Variants in AGXT observed in about 807,000 individuals in gnomAD.
AGXT encodes the protein alanine--glyoxylate aminotransferase, also known as L-alanine: glyoxylate aminotransferase 1.
Under a neutral mutation model 46.9 loss-of-function variants are expected in AGXT, and 41 were observed. The ratio of observed to expected loss-of-function variants is 0.88; its 90% confidence interval spans 0.68 to 1.14. The LOEUF (loss-of-function observed/expected upper bound fraction) is 1.14, where lower values mean the gene tolerates loss of function less well. AGXT is among the 50% of genes most tolerant of loss of function. The pLI is 0.00. For synonymous variants in AGXT, 244 were observed against 227.9 expected, an observed-to-expected ratio of 1.07 and a Z score of -0.64; for missense variants, 525 against 522.7, an observed-to-expected ratio of 1.00 and a Z score of -0.04.
intron 10 of AGXT, 75 bp downstream of exon 10, chr2:240,878,225 G>A: frequency 1.3e-6 from 2 of 1,589,744 alleles, no homozygotes; most frequent in Non-Finnish European, 1.7e-6. Flanking sequence ...CTGTGCACCA[G>A]GTGCAGGGGA....
Position 240,877,724 on chromosome 2 carries a change from GAGA to G in AGXT, c.942+95_942+97del, listed in dbSNP as rs1263324841. ...CCCCTCAAGAGGGACACTGGCTCCT[GAGA>G]AGGAGGGGGCGGCTGCCCGGTGGTG... On this transcript the variant is annotated intron_variant, in intron 9 of 10. Transcript: ENST00000307503. 4 of 1,385,272 alleles carry G rather than the reference GAGA, an allele frequency of 2.9e-6. No individual in the cohort carries two copies. In the East Asian group the frequency reaches 1.0e-4, roughly 35 times the overall value. 85.8% of individuals were successfully genotyped at this position (1,385,272 alleles called of 1,614,324 possible).
Position 240,869,217 on chromosome 2 carries a change from G to A in AGXT, c.213G>A (p.Arg71=), listed in dbSNP as rs771860599. 1.9e-6 allele frequency: 3 copies of A among 1,613,876 alleles called. No homozygotes were observed. Among genetic ancestry groups the A allele is most frequent in the Non-Finnish European group, 2.5e-6 (3 of 1,180,044 alleles). ...GCATCCAGTACGTGTTCCAGACCAG[G>A]AACCCACTCACACTGGTCATCTCTG... ...KEGIQYVFQT[R]NPLTLVISGS... is the part of the protein sequence containing the mutation. The change falls in exon 2 of 11, where the codon AGG becomes AGA. Residue 71 remains arginine (R), a synonymous_variant. Transcript: ENST00000307503.
chr2:240,875,242 G>A (rs1161614582), intron 7 of AGXT, 38 bp downstream of exon 7: 2 of 1,546,402 alleles, frequency 1.3e-6, no homozygotes, highest in Non-Finnish European at 1.8e-6. Context: ...GAGGGCGCTG[G>A]GCATGGCTGA....
Position 240,868,957 on chromosome 2 carries a change from C to T in AGXT, c.92C>T (p.Ser31Phe). The change falls in exon 1 of 11, where the codon TCC becomes TTC. Residue 31 changes from serine (S) to phenylalanine (F), a missense_variant. Transcript: ENST00000307503. ...CAGCTCCTGCTGGGGCCTGGTCCTT[C>T]CAACCTGCCTCCTCGCATCATGGCA... Reference protein sequence around the residue: ...PNQLLLGPGPSNLPPRIMAAG... With the variant: ...PNQLLLGPGPFNLPPRIMAAG... 1 of 1,607,796 alleles carries T rather than the reference C, an allele frequency of 6.2e-7. No individual in the cohort carries two copies. The highest frequency in any genetic ancestry group is 8.5e-7 in the Non-Finnish European group (1 of 1,177,712).
rs1415458755 is a variant in AGXT at position 240,870,655 on chromosome 2, C to T, written c.370C>T (p.His124Tyr). 2.6e-6 allele frequency: 4 copies of T among 1,553,398 alleles called. No individual in the cohort carries two copies. The highest frequency in any genetic ancestry group is 1.9e-5 in the Admixed American group (1 of 51,310). Reference sequence around the variant, plus strand: ...TGTCCTGCACCCAGGAGCCCGAGTGCACCCGATGACCAAGGACCCTGGAGG... The same window carrying T: ...TGTCCTGCACCCAGGAGCCCGAGTGTACCCGATGACCAAGGACCCTGGAGG... ...DIGERIGARVHPMTKDPGGHY... is the reference protein window; with the variant it reads ...DIGERIGARVYPMTKDPGGHY... Residue 124 changes from histidine (H) to tyrosine (Y), a missense_variant, in exon 3 of 11, where the codon CAC (histidine) becomes TAC (tyrosine). His to Tyr is a moderately conservative substitution (Grantham distance 83). Transcript: ENST00000307503.
rs1361667603 is a variant in AGXT at position 240,879,024 on chromosome 2, T to G, written c.*203T>G. ...GTGGCACCTCCTGGAAACAGTCCACTTGGGCGCAAAACCCAGTGCCTTCCA... is the reference window on the plus strand; with the variant it reads ...GTGGCACCTCCTGGAAACAGTCCACGTGGGCGCAAAACCCAGTGCCTTCCA... On this transcript the variant is annotated 3_prime_UTR_variant, in exon 11 of 11. Coordinates refer to ENST00000307503, the MANE Select transcript of AGXT (RefSeq NM_000030.3). 1 of 618,102 alleles carries G rather than the reference T, an allele frequency of 1.6e-6. No individual in the cohort carries two copies. The allele number at this position is 618,102 out of a possible 1,614,324, so 38.3% of individuals were successfully genotyped here.
rs121908527 is a variant in AGXT at position 240,875,126 on chromosome 2, G to A, written c.698G>A (p.Arg233His). 2.1e-5 allele frequency: 34 copies of A among 1,613,286 alleles called. No individual in the cohort carries two copies. The highest frequency in any genetic ancestry group is 1.0e-4 in the Admixed American group (6 of 59,998). ...SDKAKKKMYS[R>H]KTKPFSFYLD... ...CTCCCCAGAAAGAAGATGTACTCCCGCAAGACGAAGCCCTTCTCCTTCTAC... is the reference window on the plus strand; with the variant it reads ...CTCCCCAGAAAGAAGATGTACTCCCACAAGACGAAGCCCTTCTCCTTCTAC... The change falls in exon 7 of 11, where the codon CGC becomes CAC. Residue 233 changes from arginine (R) to histidine (H), a missense_variant. Physicochemically the swap from Arg to His is conservative, Grantham distance 29. Transcript: ENST00000307503.
chr2:240,875,319 A>G (rs1235678392), intron 7 of AGXT, 115 bp downstream of exon 7: 7 of 875,698 alleles, frequency 8.0e-6, no homozygotes, highest in Non-Finnish European at 1.3e-5. Context: ...ATGCCTCAAG[A>G]ACCCCAACTA....
chr2:240,871,014 G>C (rs1453002795), intron 3 of AGXT, among the ~76,000 whole-genome samples: 1 of 152,120 alleles, frequency 6.6e-6, no homozygotes, highest in Non-Finnish European at 1.5e-5. Flanking sequence ...TGCAGAACAT[G>C]TCCCTGACAC....
At chr2:240,869,467 AC>A in intron 2 of AGXT, 105 bp downstream of exon 2, 4 of 1,340,166 alleles carry the variant, frequency 3.0e-6, no homozygotes, top group South Asian at 3.0e-5. Flanking sequence ...GTGAGCGCTT[AC>A]CCACCTTGTG....
intron 8 of AGXT, chr2:240,877,180 G>A (rs1354900200): frequency 4.3e-6 from 2 of 463,278 alleles, no homozygotes; most frequent in Admixed American, 2.6e-5. Context: ...GGGCCTGGGA[G>A]CCAGCACCCT....
At position 240,875,989 on chromosome 2, in the gene AGXT, C is replaced by G. The variant is rs1324768505; in HGVS notation, c.831C>G (p.Ala277=). ...TGTACAGCCTGAGAGAGAGCCTGGC[C>G]CTCATTGCGGAACAGGTGCATGGGC... ...ISLYSLRESL[A]LIAEQGLENS... is the part of the protein sequence containing the mutation. The change falls in exon 8 of 11, where the codon GCC becomes GCG. Residue 277 remains alanine, a synonymous_variant. Coordinates refer to ENST00000307503, the MANE Select transcript of AGXT (RefSeq NM_000030.3). 2 of 1,614,180 alleles carry G rather than the reference C, an allele frequency of 1.2e-6. No individual in the cohort carries two copies. Among genetic ancestry groups the G allele is most frequent in the East Asian group, 4.5e-5 (2 of 44,874 alleles).
intron 7 of AGXT, 109 bp from the exon 8 acceptor site, chr2:240,875,826 C>T: frequency 8.2e-7 from 1 of 1,224,228 alleles, no homozygotes; most frequent in African/African-American, 1.5e-5. Context: ...AGGATACCGG[C>T]CTGTGGTCAG....
intron 8 of AGXT, 21 bp from the exon 9 acceptor site, chr2:240,877,516 C>A: frequency 6.5e-7 from 1 of 1,539,080 alleles, no homozygotes; most frequent in Non-Finnish European, 8.8e-7. Context: ...TCACTGCCCA[C>A]CAGCGCCATC....
Position 240,879,935 on chromosome 2 carries a change from C to T in AGXT, c.*1114C>T, listed in dbSNP as rs768287369. The T allele has an allele frequency of 2.6e-5, 4 of 151,470 alleles. No homozygotes were observed. Among genetic ancestry groups the T allele is most frequent in the Admixed American group, 6.6e-5 (1 of 15,234 alleles). The allele number at this position is 151,470 out of a possible 1,614,324, so 9.4% of individuals were successfully genotyped here. ...CCGGTGTGTCTTTGTTGCTGAGTGCCGTCCCGTCATATGGACGTGCGTCGT... is the reference window on the plus strand; with the variant it reads ...CCGGTGTGTCTTTGTTGCTGAGTGCTGTCCCGTCATATGGACGTGCGTCGT... On this transcript the variant is annotated 3_prime_UTR_variant, in exon 11 of 11. Transcript: ENST00000307503.
At chr2:240,877,914 C>A in intron 9 of AGXT, 108 bp from the exon 10 acceptor site, 1 of 1,505,318 alleles carries the variant, frequency 6.6e-7, no homozygotes, top group Non-Finnish European at 9.1e-7. Context: ...CCTTTCTCCC[C>A]CGGCTCCTCT....
At chr2:240,872,249 A>G (rs2058994784) in intron 4 of AGXT, among the ~76,000 whole-genome samples, 1 of 142,782 alleles carries the variant, frequency 7.0e-6, no homozygotes, top group Admixed American at 7.0e-5. Context: ...GGAGGATAAG[A>G]GTTCGTGAAC....
In AGXT at chr2:240,878,932, C is replaced by T; in HGVS notation, c.*111C>T. 2.6e-6 allele frequency: 3 copies of T among 1,155,662 alleles called. No homozygotes were observed. Among genetic ancestry groups the T allele is most frequent in the Non-Finnish European group, 3.8e-6 (3 of 799,972 alleles). The allele number at this position is 1,155,662 out of a possible 1,614,324, so 71.6% of individuals were successfully genotyped here. A position where few individuals can be genotyped will look rare whatever the true frequency, so the allele number is the denominator to read the frequency against. Reference sequence around the variant, plus strand: ...TCCTCCAGGCCTGGGGACAGGAAAGCCACTGACCCAGCCCGGGAGGCAGAA... The same window carrying T: ...TCCTCCAGGCCTGGGGACAGGAAAGTCACTGACCCAGCCCGGGAGGCAGAA... On this transcript the variant is annotated 3_prime_UTR_variant, in exon 11 of 11. Coordinates refer to ENST00000307503, the MANE Select transcript of AGXT (RefSeq NM_000030.3).
Position 240,870,411 on chromosome 2 carries a change from A to G in AGXT, c.359-233A>G, listed in dbSNP as rs1398064404. Among the ~76,000 whole-genome samples, 6 of 152,252 alleles carry G rather than the reference A, an allele frequency of 3.9e-5. 1 individual carries two copies. Among genetic ancestry groups the G allele is most frequent in the East Asian group, 1.9e-4 (1 of 5,166 alleles). On this transcript the variant is annotated intron_variant, in intron 2 of 10. Coordinates refer to ENST00000307503, the MANE Select transcript of AGXT (RefSeq NM_000030.3). Reference sequence around the variant, plus strand: ...GGCATTTGAGCTGAGCTCTGTCAAGAGTGCCCCAGGAGCGTTGGCTCCAAC... The same window carrying G: ...GGCATTTGAGCTGAGCTCTGTCAAGGGTGCCCCAGGAGCGTTGGCTCCAAC...
Sources: gnomAD v4.1 joint callset for allele counts (sites outside exome capture counted in the v4.1 genomes callset) on GRCh38, gnomAD v4.1.1 for gene constraint, MANE v1.5 for transcripts, NCBI Gene and HGNC (gene_info 2026-07-23, HGNC 2026-07-21) for gene names.